FAM222B: variants seen among roughly 807,000 people sequenced by gnomAD.
The protein encoded by FAM222B is protein FAM222B.
A neutral mutation model predicts 38.0 loss-of-function variants in FAM222B; 12 were observed. The observed-to-expected ratio is 0.32, with a 90% confidence interval of 0.20 to 0.51. The LOEUF is 0.51. Ranked by LOEUF, FAM222B falls within the 20% of genes least tolerant of loss-of-function variation. The pLI, the probability that FAM222B is intolerant of heterozygous loss-of-function variation, is 0.97. For missense variants in FAM222B, 716 were observed against 754.2 expected (o/e 0.95, Z 0.59); for synonymous variants, 329 against 317.2 (o/e 1.04, Z -0.40).
At chr17:28,761,232 G>T (rs2035058594) in intron 2 of FAM222B, among the ~76,000 whole-genome samples, 1 of 152,248 alleles carries the variant, frequency 6.6e-6, no homozygotes, top group African/African-American at 2.4e-5. Context: ...AAAAGGAAAA[G>T]GTTCTGAGAA....
intron 1 of FAM222B, among the ~76,000 whole-genome samples, chr17:28,773,342 C>T (rs1306863157): frequency 2.0e-5 from 3 of 151,152 alleles, no homozygotes; most frequent in East Asian, 1.9e-4. Context: ...ATTAGCCGGG[C>T]GTGGTGGTGG....
intron 2 of FAM222B, among the ~76,000 whole-genome samples, chr17:28,764,073 T>C (rs1228044456): frequency 6.6e-6 from 1 of 152,068 alleles, no homozygotes; most frequent in East Asian, 1.9e-4. Context: ...CACTACTATA[T>C]TGTGATCCTG....
At position 28,813,030 on chromosome 17, in the gene FAM222B, GGGGGGGGGGGGA is replaced by G. The variant is rs1490424885; in HGVS notation, c.-41+29640_-41+29651del. ...GTGACGCAGAAATTAAGCGGGGGGG[GGGGGGGGGGGGA>G]GGGGGGGGCGTTGGAGGCATGTTGG... On this transcript the variant is annotated intron_variant, in intron 1 of 2. Transcript: ENST00000581407. Among the ~76,000 whole-genome samples, 25 of 61,240 alleles carry G rather than the reference GGGGGGGGGGGGA, an allele frequency of 4.1e-4. 4 individuals carry two copies. Among genetic ancestry groups the G allele is most frequent in the South Asian group, 1.0e-3 (1 of 980 alleles). The allele number at this position is 61,240 out of a possible 152,430, so 40.2% of individuals were successfully genotyped here. A position where few individuals can be genotyped will look rare whatever the true frequency, so the allele number is the denominator to read the frequency against.
chr17:28,775,493 C>A (rs2035846911), intron 1 of FAM222B, among the ~76,000 whole-genome samples: 1 of 150,232 alleles, frequency 6.7e-6, no homozygotes, highest in African/African-American at 2.4e-5. Flanking sequence ...CAAAAAACAA[C>A]AGCTCCCCTA....
At chr17:28,802,977 G>C (rs2037309160) in intron 1 of FAM222B, among the ~76,000 whole-genome samples, 1 of 151,650 alleles carries the variant, frequency 6.6e-6, no homozygotes, top group Non-Finnish European at 1.5e-5. Flanking sequence ...AGAAAACTTT[G>C]CTTTGGTTAA....
chr17:28,820,704 G>A (rs758428126), intron 1 of FAM222B, among the ~76,000 whole-genome samples: 5 of 151,936 alleles, frequency 3.3e-5, no homozygotes, highest in Admixed American at 6.6e-5. Flanking sequence ...CAAGATCTCG[G>A]ATAACTGCAA....
At chr17:28,837,631 T>A (rs1285446937) in intron 1 of FAM222B, among the ~76,000 whole-genome samples, 1 of 151,628 alleles carries the variant, frequency 6.6e-6, no homozygotes, top group East Asian at 1.9e-4. Context: ...AAATAGATAT[T>A]AAATACTTCT....
chr17:28,787,887 C>T (rs567812983), intron 1 of FAM222B, among the ~76,000 whole-genome samples: 1 of 139,676 alleles, frequency 7.2e-6, no homozygotes, highest in East Asian at 2.1e-4. Flanking sequence ...TGCAATGGCA[C>T]GATCTTGGCT....
At position 28,829,340 on chromosome 17, in the gene FAM222B, T is replaced by A. The variant is rs570477431; in HGVS notation, c.-41+13342A>T. On this transcript the variant is annotated intron_variant, in intron 1 of 2. Coordinates refer to ENST00000581407, the MANE Select transcript of FAM222B (RefSeq NM_001077498.3). ...AGCTGCGCCACCACGCCCAGCTAAT[T>A]TTGTATTTTTAGTAGAGACAGGGTT... Among the ~76,000 whole-genome samples the A allele has an allele frequency of 2.6e-5, 4 of 151,918 alleles. No homozygotes were observed. In the South Asian group the frequency reaches 8.3e-4, roughly 32 times the overall value.
Position 28,758,379 on chromosome 17 carries a change from C to G in FAM222B, c.1580G>C (p.Arg527Pro), listed in dbSNP as rs201607912. The G allele has an allele frequency of 2.5e-6, 4 of 1,613,790 alleles. No individual in the cohort carries two copies. The Admixed American group carries it at 6.7e-5, about 27-fold the overall frequency. ...GCTCAGCATGGCCAGGCTCTGTTCT[C>G]GGAAGCAGGCCTGTTGGAAATCCCC... is the stretch of plus-strand genomic sequence containing the variant. Reference protein sequence around the residue: ...LSGDFQQACFREQSLAMLSKA... With the variant: ...LSGDFQQACFPEQSLAMLSKA... The change falls in exon 3 of 3, where the codon CGA (arginine) becomes CCA (proline). Residue 527 changes from arginine to proline, a missense_variant. By Grantham distance (103) the Arg-to-Pro change is moderately radical. Transcript: ENST00000581407.
At chr17:28,848,958 C>T (rs1465731967) in intron 1 of FAM222B, 1 of 151,794 alleles carries the variant, frequency 6.6e-6, no homozygotes, top group Non-Finnish European at 1.5e-5. Flanking sequence ...GAACTGAGCT[C>T]ATGTTAAGTG....
At chr17:28,769,682 C>G (rs1229615908) in intron 1 of FAM222B, among the ~76,000 whole-genome samples, 1 of 152,150 alleles carries the variant, frequency 6.6e-6, no homozygotes, top group African/African-American at 2.4e-5. Context: ...TAACATGGAC[C>G]CCAAGGCCCT....
chr17:28,833,009 T>TAAA (rs779596504), intron 1 of FAM222B, among the ~76,000 whole-genome samples: 7 of 90,776 alleles, frequency 7.7e-5, no homozygotes, highest in South Asian at 3.8e-4. Flanking sequence ...CTGTCTCTAT[T>TAAA]AAAAAAAAAA....
chr17:28,799,257 GC>G (rs199764682), intron 1 of FAM222B, among the ~76,000 whole-genome samples: 4,955 of 149,804 alleles, frequency 0.033, 276 homozygotes, highest in African/African-American at 0.12. Context: ...ACAGGTGTGA[GC>G]CACCGCGACT....
intron 1 of FAM222B, among the ~76,000 whole-genome samples, chr17:28,822,091 G>A (rs887805253): frequency 7.4e-5 from 11 of 148,584 alleles, no homozygotes; most frequent in East Asian, 2.2e-4. Context: ...GTGCGATCTC[G>A]GCTCACTGCA....
At chr17:28,807,020 CTT>C (rs919878688) in intron 1 of FAM222B, among the ~76,000 whole-genome samples, 5 of 144,068 alleles carry the variant, frequency 3.5e-5, no homozygotes, top group African/African-American at 2.5e-5. Context: ...CTTTTTTTAT[CTT>C]TTTTTTTTTT....
intron 1 of FAM222B, among the ~76,000 whole-genome samples, chr17:28,800,421 G>T (rs9903248): frequency 0.19 from 28,753 of 152,090 alleles, 2,858 homozygotes; most frequent in South Asian, 0.3. Context: ...CAATTTTAGA[G>T]AGCTATTAAA....
intron 1 of FAM222B, among the ~76,000 whole-genome samples, chr17:28,815,584 C>T (rs1026577961): frequency 2.0e-5 from 3 of 152,084 alleles, no homozygotes; most frequent in Non-Finnish European, 4.4e-5. Flanking sequence ...CCCAGCACTT[C>T]GGGAGGTCAG....
rs1180140912 is a variant in FAM222B, at chr17:28,799,370, T to G, written c.-40-32663A>C. On this transcript the variant is annotated intron_variant, in intron 1 of 2. Transcript: ENST00000581407. The stretch of plus-strand genomic sequence containing the variant: ...TGGAGTGCAGTGGTGCGATCTCAAC[T>G]CACTGCAACCTCTGCCTCTCGGGTT... Among the ~76,000 whole-genome samples, 4 of 147,260 alleles carry G rather than the reference T, an allele frequency of 2.7e-5. No homozygotes were observed. The East Asian group carries it at 6.0e-4, about 22-fold the overall frequency.
Sources: allele counts gnomAD v4.1 joint callset (sites outside exome capture counted in the v4.1 genomes callset), GRCh38; gene constraint gnomAD v4.1.1; transcripts MANE v1.5; gene names NCBI Gene and HGNC (gene_info 2026-07-23, HGNC 2026-07-21).